SPAG5: variants seen among roughly 807,000 people sequenced by gnomAD.
The protein encoded by SPAG5 is sperm associated antigen 5, also known as sperm-associated antigen 5.
A neutral mutation model predicts 145.4 loss-of-function variants in SPAG5; 99 were observed. The ratio of observed to expected loss-of-function variants is 0.68; its 90% CI spans 0.58 to 0.80. The LOEUF (loss-of-function observed/expected upper bound fraction) is 0.80, where lower values mean the gene tolerates loss of function less well. Ranked by LOEUF, SPAG5 falls within the 30% of genes least tolerant of loss-of-function variation. The pLI is 0.00. For missense variants in SPAG5, 1,192 were observed against 1,416.0 expected (o/e 0.84, Z 2.54); for synonymous variants, 477 against 525.4 (o/e 0.91, Z 1.26).
intron 7 of SPAG5, 31 bp from the exon 8 acceptor site, chr17:28,585,684 T>C (rs1567624693): frequency 6.2e-7 from 1 of 1,612,584 alleles, no homozygotes; most frequent in East Asian, 2.2e-5. Flanking sequence ...AAGGCCACAG[T>C]GGGCAACAGG....
intron 19 of SPAG5, 109 bp downstream of exon 19, chr17:28,579,032 G>C: frequency 1.1e-6 from 1 of 936,798 alleles, no homozygotes. Flanking sequence ...AACTAGGGCA[G>C]TGGTTGGAAA....
At chr17:28,589,345 C>T (rs560774213) in intron 4 of SPAG5, among the ~76,000 whole-genome samples, 6 of 152,038 alleles carry the variant, frequency 3.9e-5, no homozygotes, top group Non-Finnish European at 7.4e-5. Context: ...GTGATCCTCC[C>T]GCCTCGGCCT....
Position 28,585,806 on chromosome 17 carries a change from T to G in SPAG5, c.1740+58A>C, listed in dbSNP as rs565183183. ...TGTGTCTAAAGTGCATTTGTGTTCC[T>G]GCAGGAACCTTGAGGTGGAAACCTC... On this transcript the variant is annotated intron_variant, in intron 7 of 23. Coordinates refer to ENST00000321765, the MANE Select transcript of SPAG5 (RefSeq NM_006461.4). 400 of 1,613,190 alleles carry G rather than the reference T, an allele frequency of 2.5e-4. 2 individuals carry two copies. In the African/African-American group the frequency reaches 5.0e-3, roughly 20 times the overall value.
chr17:28,579,623 G>A lies in SPAG5; in HGVS notation c.2884+128C>T, dbSNP rs1256308400. 5 of 1,392,528 alleles carry A rather than the reference G, an allele frequency of 3.6e-6. No homozygotes were observed. In the East Asian group the frequency reaches 1.1e-4, roughly 32 times the overall value. 86.3% of individuals were successfully genotyped at this position (1,392,528 alleles called of 1,614,324 possible). A position where few individuals can be genotyped will look rare whatever the true frequency, so the allele number is the denominator to read the frequency against. On this transcript the variant is annotated intron_variant, in intron 17 of 23. Transcript: ENST00000321765. ...GTCTGGAACATTACAGATCCCAGAA[G>A]GCAGAAATAAAATGAGCCCAAGTAG...
chr17:28,582,403 T>C (rs2070554990), intron 15 of SPAG5, among the ~76,000 whole-genome samples: 1 of 152,226 alleles, frequency 6.6e-6, no homozygotes, highest in African/African-American at 2.4e-5. Context: ...CTCTGCCTAG[T>C]GGGACTTCCT....
chr17:28,582,349 A>G (rs1442363864), intron 15 of SPAG5, among the ~76,000 whole-genome samples: 2 of 152,226 alleles, frequency 1.3e-5, no homozygotes, highest in African/African-American at 2.4e-5. Flanking sequence ...CTTTCTACGT[A>G]CGACTCTCAT....
Position 28,592,038 on chromosome 17 carries a change from C to T in SPAG5, c.1206G>A (p.Gln402=). 1 of 1,614,166 alleles carries T rather than the reference C, an allele frequency of 6.2e-7. No individual in the cohort carries two copies. Among genetic ancestry groups the T allele is most frequent in the Non-Finnish European group, 8.5e-7 (1 of 1,180,030 alleles). ...TGTGCTTGGTGCCAACCAGGCCTGTCTGGGATGTGTTTGTACTCTTTTCCT... is the reference window on the plus strand; with the variant it reads ...TGTGCTTGGTGCCAACCAGGCCTGTTTGGGATGTGTTTGTACTCTTTTCCT... ...APQEKSTNTS[Q]TGLVGTKHST... Residue 402 remains glutamine, a synonymous_variant, in exon 3 of 24, where the codon CAG becomes CAA. Coordinates refer to ENST00000321765, the MANE Select transcript of SPAG5 (RefSeq NM_006461.4).
At chr17:28,598,319 T>TAA in intron 2 of SPAG5, 191 bp downstream of exon 2, 1 of 572,630 alleles carries the variant, frequency 1.7e-6, no homozygotes, top group Non-Finnish European at 2.9e-6. Context: ...AAACAGAGAT[T>TAA]CAAGTTCTCA....
rs898934996 is a variant in SPAG5, at chr17:28,585,727, C to T, written c.1741-74G>A. ...GCACAAAAAGATGTAACCATGACAC[C>T]TCAATAGATCAGTTCTTTACTGCCC... On this transcript the variant is annotated intron_variant, in intron 7 of 23. Coordinates refer to ENST00000321765, the MANE Select transcript of SPAG5 (RefSeq NM_006461.4). 27 of 1,608,900 alleles carry T rather than the reference C, an allele frequency of 1.7e-5. No individual in the cohort carries two copies. The South Asian group carries it at 2.4e-4, about 14-fold the overall frequency.
At position 28,595,399 on chromosome 17, in the gene SPAG5, T is replaced by C. The variant is rs917842449; in HGVS notation, c.178-2333A>G. On this transcript the variant is annotated intron_variant, in intron 2 of 23. Coordinates refer to ENST00000321765, the MANE Select transcript of SPAG5 (RefSeq NM_006461.4). ...TAAGATACCAGAAATATTTCTTCCT[T>C]ATACATTTATATATTCAAATGCTTC... Among the ~76,000 whole-genome samples the C allele has an allele frequency of 7.2e-5, 11 of 152,192 alleles. 1 individual carries two copies. Among genetic ancestry groups the C allele is most frequent in the Admixed American group, 7.2e-4 (11 of 15,276 alleles).
Position 28,577,806 on chromosome 17 carries a change from C to T in SPAG5, c.3511-36G>A, listed in dbSNP as rs751334350. The T allele has an allele frequency of 3.2e-6, 5 of 1,561,212 alleles. No homozygotes were observed. In the South Asian group the frequency reaches 4.4e-5, roughly 14 times the overall value. ...AGGCAGAAAACGCAGCTCAGGACCA[C>T]AGACTTAAGGCCCAGGGCTCCCAGC... On this transcript the variant is annotated intron_variant, in intron 23 of 23. Coordinates refer to ENST00000321765, the MANE Select transcript of SPAG5 (RefSeq NM_006461.4).
intron 2 of SPAG5, among the ~76,000 whole-genome samples, chr17:28,595,841 C>G (rs980739318): frequency 1.3e-5 from 2 of 151,948 alleles, no homozygotes; most frequent in African/African-American, 4.8e-5. Flanking sequence ...GTCAGGAGTT[C>G]AAGACCAGCC....
intron 4 of SPAG5, among the ~76,000 whole-genome samples, chr17:28,588,421 A>G (rs981000480): frequency 7.2e-5 from 11 of 152,232 alleles, no homozygotes; most frequent in Non-Finnish European, 1.6e-4. Context: ...AGGAAAGGAC[A>G]CAAAGATAAG....
chr17:28,579,554 T>C lies in SPAG5; in HGVS notation c.2885-69A>G. ...GGAAGGAAGGAGTGTATAGCCATCA[T>C]TTCCACAACTCTTATCCGTGTTCCC... On this transcript the variant is annotated intron_variant, in intron 17 of 23. Coordinates refer to ENST00000321765, the MANE Select transcript of SPAG5 (RefSeq NM_006461.4). 3.9e-6 allele frequency: 6 copies of C among 1,545,566 alleles called. No homozygotes were observed. In the South Asian group the frequency reaches 7.0e-5, roughly 18 times the overall value.
chr17:28,598,721 A>G (rs2151524881), intron 1 of SPAG5, 86 bp from the exon 2 acceptor site: 1 of 1,543,798 alleles, frequency 6.5e-7, no homozygotes, highest in African/African-American at 1.4e-5. Context: ...AGAAGCCCAA[A>G]ATGCGATTAG....
intron 17 of SPAG5, 81 bp downstream of exon 17, chr17:28,579,670 G>A: frequency 1.4e-6 from 2 of 1,454,450 alleles, no homozygotes; most frequent in Non-Finnish European, 1.9e-6. Flanking sequence ...TTAGAGCAAA[G>A]CACTTCTCAC....
intron 4 of SPAG5, among the ~76,000 whole-genome samples, 185 bp from the exon 5 acceptor site, chr17:28,586,684 A>G (rs544209560): frequency 9.2e-5 from 14 of 152,278 alleles, no homozygotes; most frequent in Admixed American, 3.3e-4. Flanking sequence ...GGCATGCACT[A>G]CCACACCCAG....
chr17:28,592,854 G>A lies in SPAG5; in HGVS notation c.390C>T (p.Ile130=), dbSNP rs756954539. 5.0e-6 allele frequency: 8 copies of A among 1,614,070 alleles called. No homozygotes were observed. Among genetic ancestry groups the A allele is most frequent in the East Asian group, 2.2e-5 (1 of 44,898 alleles). The change falls in exon 3 of 24, where the codon ATC becomes ATT. Residue 130 remains isoleucine (I), a synonymous_variant. Transcript: ENST00000321765. ...GCCCCAGTGGAGATGGTACAAGGAC[G>A]ATGGTTTTAACCATATAATTGCCCA... The part of the protein sequence containing the change: ...DPLGNYMVKT[I]VLVPSPLGQQ...
At position 28,584,230 on chromosome 17, in the gene SPAG5, G is replaced by A. The variant is rs1052242032; in HGVS notation, c.2332C>T (p.Leu778=). The A allele has an allele frequency of 2.5e-6, 4 of 1,613,818 alleles. No homozygotes were observed. The African/African-American group carries it at 4.0e-5, about 16-fold the overall frequency. The change falls in exon 13 of 24, where the codon CTA becomes TTA. Residue 778 remains leucine, a synonymous_variant. Coordinates refer to ENST00000321765, the MANE Select transcript of SPAG5 (RefSeq NM_006461.4). The part of the protein sequence containing the change: ...AAQWQKEEMA[L]KHMQAELQQQ... Reference sequence around the variant, plus strand: ...TGCAGTTCTGCCTGCATGTGTTTTAGTGCCATCTCTTCCTTTTGCCATCTG... The same window carrying A: ...TGCAGTTCTGCCTGCATGTGTTTTAATGCCATCTCTTCCTTTTGCCATCTG...
Sources: allele counts gnomAD v4.1 joint callset (sites outside exome capture counted in the v4.1 genomes callset), GRCh38; gene constraint gnomAD v4.1.1; transcripts MANE v1.5; gene names NCBI Gene and HGNC (gene_info 2026-07-23, HGNC 2026-07-21).